ZNF134: variants seen among roughly 807,000 people sequenced by gnomAD.
ZNF134 encodes zinc finger protein 134.
In ZNF134, 5 loss-of-function variants were observed where a neutral mutation model predicts 2.5. That is an observed-to-expected ratio of 2.03 (90% CI 1.06 to 4.27). The LOEUF (loss-of-function observed/expected upper bound fraction) is 4.27, where lower values mean the gene tolerates loss of function less well. Ranked by LOEUF, ZNF134 falls within the 30% of genes most tolerant of loss-of-function variation. The pLI is 0.00. For missense variants in ZNF134, 540 were observed against 517.5 expected (o/e 1.04, Z -0.42); for synonymous variants, 176 against 176.2 (o/e 1.00, Z 0.01).
Position 57,622,081 on chromosome 19 carries a change from A to G in ZNF134, c.*678A>G, listed in dbSNP as rs1981239804. 1.3e-5 allele frequency: 2 copies of G among 159,050 alleles called. No homozygotes were observed. The highest frequency in any genetic ancestry group is 1.8e-4 in the East Asian group (1 of 5,430). 9.9% of individuals were successfully genotyped at this position (159,050 alleles called of 1,614,324 possible). ...TAGTCCAGTTTTGATGTTAACTTCC[A>G]TAGCTGACAAAGCTTGTTAAGTAAG... On this transcript the variant is annotated 3_prime_UTR_variant, in exon 3 of 3. Transcript: ENST00000396161.
chr19:57,620,106 T>G, intron 2 of ZNF134, 54 bp from the exon 3 acceptor site: 2 of 1,569,870 alleles, frequency 1.3e-6, no homozygotes, highest in Non-Finnish European at 1.7e-6. Flanking sequence ...TGTGATGTAG[T>G]TGCCCCACCC....
chr19:57,615,371 G>A (rs375087836), intron 1 of ZNF134, among the ~76,000 whole-genome samples: 7 of 152,150 alleles, frequency 4.6e-5, no homozygotes, highest in Admixed American at 2.6e-4. Flanking sequence ...TCTGAAGTGA[G>A]AGGTGGGTTT....
Position 57,620,966 on chromosome 19 carries a change from A to G in ZNF134, c.847A>G (p.Asn283Asp), listed in dbSNP as rs757097618. The G allele has an allele frequency of 3.7e-6, 6 of 1,614,096 alleles. No homozygotes were observed. Among genetic ancestry groups the G allele is most frequent in the Non-Finnish European group, 5.1e-6 (6 of 1,180,038 alleles). The change falls in exon 3 of 3, where the codon AAT (asparagine) becomes GAT (aspartate). Residue 283 changes from asparagine (N) to aspartate (D), a missense_variant. Asn to Asp is a conservative substitution (Grantham distance 23). Transcript: ENST00000396161. ...SNLIVHQRVH[N>D]GARPYKCSDC... ...TCTAATTGTACACCAGAGAGTTCAC[A>G]ATGGAGCAAGGCCTTATAAGTGCAG...
intron 1 of ZNF134, among the ~76,000 whole-genome samples, chr19:57,616,414 A>C (rs1249310336): frequency 6.6e-6 from 1 of 152,266 alleles, no homozygotes; most frequent in African/African-American, 2.4e-5. Context: ...TAAAGCAGGC[A>C]AAACAAACCT....
At position 57,620,713 on chromosome 19, in the gene ZNF134, T is replaced by C. The variant is rs778266068; in HGVS notation, c.594T>C (p.His198=). 1.2e-6 allele frequency: 2 copies of C among 1,610,890 alleles called. No homozygotes were observed. The highest frequency in any genetic ancestry group is 1.1e-5 in the South Asian group (1 of 90,924). Residue 198 remains histidine, a synonymous_variant, in exon 3 of 3, where the codon CAT becomes CAC. Transcript: ENST00000396161. ...KDTLVQHQRI[H]SGEKPYECSE... ...CACTTGTCCAGCACCAGAGAATTCA[T>C]AGTGGAGAGAAGCCTTATGAGTGCA...
Position 57,624,460 on chromosome 19 carries a change from A to G in ZNF134, c.*3057A>G, listed in dbSNP as rs1180072415. On this transcript the variant is annotated 3_prime_UTR_variant, in exon 3 of 3. Transcript: ENST00000396161. ...GTGGGATAACAGAAAACCCAAAACAAAAGAGAAAACTGCCAGAACCCCAGT... is the reference window on the plus strand; with the variant it reads ...GTGGGATAACAGAAAACCCAAAACAGAAGAGAAAACTGCCAGAACCCCAGT... 1 of 152,200 alleles carries G rather than the reference A, an allele frequency of 6.6e-6. No individual in the cohort carries two copies. The highest frequency in any genetic ancestry group is 1.5e-5 in the Non-Finnish European group (1 of 68,044). The allele number at this position is 152,200 out of a possible 1,614,324, so 9.4% of individuals were successfully genotyped here.
rs1458990143 is a variant in ZNF134 at position 57,623,171 on chromosome 19, TAA to T, written c.*1770_*1771del. 1 of 152,236 alleles carries T rather than the reference TAA, an allele frequency of 6.6e-6. No individual in the cohort carries two copies. Among genetic ancestry groups the T allele is most frequent in the African/African-American group, 2.4e-5 (1 of 41,468 alleles). The allele number at this position is 152,236 out of a possible 1,614,324, so 9.4% of individuals were successfully genotyped here. A position where few individuals can be genotyped will look rare whatever the true frequency, so the allele number is the denominator to read the frequency against. On this transcript the variant is annotated 3_prime_UTR_variant, in exon 3 of 3. Coordinates refer to ENST00000396161, the MANE Select transcript of ZNF134 (RefSeq NM_003435.5). The stretch of plus-strand genomic sequence containing the variant: ...CTAGAATTTTATGTAAGTCTGCCTA[TAA>T]AGTGTTAATTTTGCATGCTGTCTTT...
In ZNF134 at chr19:57,622,772, A is replaced by C. The variant is rs1981263855; in HGVS notation, c.*1369A>C. On this transcript the variant is annotated 3_prime_UTR_variant, in exon 3 of 3. Coordinates refer to ENST00000396161, the MANE Select transcript of ZNF134 (RefSeq NM_003435.5). ...TACTGAGGAAGAGATTGTCTTCCCA[A>C]GATATTTGGAGTGATAAGAGTCACC... 6.6e-6 allele frequency: 1 copy of C among 152,092 alleles called. No homozygotes were observed. Among genetic ancestry groups the C allele is most frequent in the South Asian group, 2.1e-4 (1 of 4,832 alleles). The allele number at this position is 152,092 out of a possible 1,614,324, so 9.4% of individuals were successfully genotyped here.
Position 57,623,719 on chromosome 19 carries a change from G to A in ZNF134, c.*2316G>A, listed in dbSNP as rs1007230661. On this transcript the variant is annotated 3_prime_UTR_variant, in exon 3 of 3. Coordinates refer to ENST00000396161, the MANE Select transcript of ZNF134 (RefSeq NM_003435.5). ...TCTTTGAAGAGATTAAATGTGACTTGTAGATCCCCTCAATACAAACAATTT... is the reference window on the plus strand; with the variant it reads ...TCTTTGAAGAGATTAAATGTGACTTATAGATCCCCTCAATACAAACAATTT... 6.6e-6 allele frequency: 1 copy of A among 152,194 alleles called. No homozygotes were observed. The highest frequency in any genetic ancestry group is 1.5e-5 in the Non-Finnish European group (1 of 68,044). 9.4% of individuals were successfully genotyped at this position (152,194 alleles called of 1,614,324 possible). A position where few individuals can be genotyped will look rare whatever the true frequency, so the allele number is the denominator to read the frequency against.
rs1045292297 is a variant in ZNF134, at chr19:57,621,345, A to G, written c.1226A>G (p.Tyr409Cys). Residue 409 changes from tyrosine to cysteine, a missense_variant, in exon 3 of 3, where the codon TAC (tyrosine) becomes TGC (cysteine). Physicochemically the swap from Tyr to Cys is radical, Grantham distance 194. Coordinates refer to ENST00000396161, the MANE Select transcript of ZNF134 (RefSeq NM_003435.5). The stretch of plus-strand genomic sequence containing the variant: ...GAGTGCAGTGAATGTGGGAAGGCCT[A>G]CAGCTTAAGCTCCCACCTCAATCGG... ...PYECSECGKA[Y>C]SLSSHLNRHQ... 1.2e-6 allele frequency: 2 copies of G among 1,614,072 alleles called. No individual in the cohort carries two copies. The highest frequency in any genetic ancestry group is 1.7e-6 in the Non-Finnish European group (2 of 1,180,052).
Position 57,620,489 on chromosome 19 carries a change from G to A in ZNF134, c.370G>A (p.Glu124Lys). 1 of 1,614,222 alleles carries A rather than the reference G, an allele frequency of 6.2e-7. No homozygotes were observed. The highest frequency in any genetic ancestry group is 1.1e-5 in the South Asian group (1 of 91,082). The change falls in exon 3 of 3, where the codon GAA (glutamate) becomes AAA (lysine). Residue 124 changes from glutamate (E) to lysine (K), a missense_variant. By Grantham distance (56) the Glu-to-Lys change is moderately conservative (BLOSUM62 1). Transcript: ENST00000396161. ...SIVKNCTVSK[E>K]PHPSEKPFTC... is the part of the protein sequence containing the mutation. ...TGTGAAGAACTGCACAGTTAGCAAA[G>A]AACCTCATCCGTCAGAGAAGCCCTT... is the stretch of plus-strand genomic sequence containing the variant.
chr19:57,615,049 C>T (rs1005372618), intron 1 of ZNF134, among the ~76,000 whole-genome samples: 1 of 151,872 alleles, frequency 6.6e-6, no homozygotes, highest in African/African-American at 2.4e-5. Flanking sequence ...CAGATGTGGT[C>T]GTGAGTGAAT....
At position 57,619,305 on chromosome 19, in the gene ZNF134, G is replaced by A. The variant is rs915432211; in HGVS notation, c.-57-107G>A. On this transcript the variant is annotated intron_variant, in intron 1 of 2. Coordinates refer to ENST00000396161, the MANE Select transcript of ZNF134 (RefSeq NM_003435.5). ...CACTGTTCCTGCAGGACAATTTTCT[G>A]AGGTTCATTTTGTAGCATTTGTTTT... 7.1e-5 allele frequency: 62 copies of A among 874,704 alleles called. No individual in the cohort carries two copies. The African/African-American group carries it at 1.0e-3, about 14-fold the overall frequency. 54.2% of individuals were successfully genotyped at this position (874,704 alleles called of 1,614,324 possible).
In ZNF134 at chr19:57,623,759, C is replaced by G. The variant is rs1981299973; in HGVS notation, c.*2356C>G. 1 of 152,162 alleles carries G rather than the reference C, an allele frequency of 6.6e-6. No homozygotes were observed. The highest frequency in any genetic ancestry group is 2.1e-4 in the South Asian group (1 of 4,828). 9.4% of individuals were successfully genotyped at this position (152,162 alleles called of 1,614,324 possible). ...ACAAACAATTTATAAGAAGTTTAAACTATCACTCATCTCAGCAAAAGCCAA... is the reference window on the plus strand; with the variant it reads ...ACAAACAATTTATAAGAAGTTTAAAGTATCACTCATCTCAGCAAAAGCCAA... On this transcript the variant is annotated 3_prime_UTR_variant, in exon 3 of 3. Coordinates refer to ENST00000396161, the MANE Select transcript of ZNF134 (RefSeq NM_003435.5).
chr19:57,621,204 A>G lies in ZNF134; in HGVS notation c.1085A>G (p.His362Arg), dbSNP rs1477608968. Residue 362 changes from histidine to arginine, a missense_variant, in exon 3 of 3, where the codon CAC becomes CGC. By Grantham distance (29) the His-to-Arg change is conservative. Coordinates refer to ENST00000396161, the MANE Select transcript of ZNF134 (RefSeq NM_003435.5). Reference protein sequence around the residue: ...FFSRSSDYIAHQRVHTGERPF... With the variant: ...FFSRSSDYIARQRVHTGERPF... ...AGTCGAAGTTCTGACTATATTGCAC[A>G]CCAGAGGGTTCACACTGGTGAAAGG... is the stretch of plus-strand genomic sequence containing the variant. 1 of 1,614,240 alleles carries G rather than the reference A, an allele frequency of 6.2e-7. No individual in the cohort carries two copies. The highest frequency in any genetic ancestry group is 2.2e-5 in the East Asian group (1 of 44,874).
intron 1 of ZNF134, among the ~76,000 whole-genome samples, chr19:57,616,264 A>G (rs576087191): frequency 6.6e-6 from 1 of 152,274 alleles, no homozygotes; most frequent in Admixed American, 6.5e-5. Context: ...ACACCTTGCA[A>G]GTACGCAGAA....
chr19:57,620,781 A>G lies in ZNF134; in HGVS notation c.662A>G (p.Gln221Arg), dbSNP rs1373007859. Residue 221 changes from glutamine (Q) to arginine (R), a missense_variant, in exon 3 of 3, where the codon CAG (glutamine) becomes CGG (arginine). Gln to Arg is a conservative substitution (Grantham distance 43). Transcript: ENST00000396161. ...KAFSRKATLVQHQRIHTGERP... is the reference protein window; with the variant it reads ...KAFSRKATLVRHQRIHTGERP... ...TTCAGCCGCAAAGCTACACTTGTCCAGCATCAGAGAATCCATACTGGAGAA... is the reference window on the plus strand; with the variant it reads ...TTCAGCCGCAAAGCTACACTTGTCCGGCATCAGAGAATCCATACTGGAGAA... The G allele has an allele frequency of 6.2e-7, 1 of 1,614,100 alleles. No homozygotes were observed. The highest frequency in any genetic ancestry group is 8.5e-7 in the Non-Finnish European group (1 of 1,180,036).
In ZNF134 at chr19:57,621,278, C is replaced by G. The variant is rs1182301133; in HGVS notation, c.1159C>G (p.Leu387Val). 2 of 1,614,108 alleles carry G rather than the reference C, an allele frequency of 1.2e-6. No individual in the cohort carries two copies. Among genetic ancestry groups the G allele is most frequent in the South Asian group, 1.1e-5 (1 of 91,090 alleles). ...GAAAGACTTTATCAGAACCTCCCAC[C>G]TTGTTCGACACCAAAGAGTTCACAC... ...CGKDFIRTSH[L>V]VRHQRVHTGE... is the part of the protein sequence containing the mutation. Residue 387 changes from leucine to valine, a missense_variant, in exon 3 of 3, where the codon CTT (leucine) becomes GTT (valine). Leu to Val is a conservative substitution (Grantham distance 32, BLOSUM62 1). Transcript: ENST00000396161.
chr19:57,617,951 C>T (rs1981095855), intron 1 of ZNF134, among the ~76,000 whole-genome samples: 1 of 152,192 alleles, frequency 6.6e-6, no homozygotes. Context: ...GCTTATTCAG[C>T]TCTTTATGTG....
Sources: allele counts gnomAD v4.1 joint callset (sites outside exome capture counted in the v4.1 genomes callset), GRCh38; gene constraint gnomAD v4.1.1; transcripts MANE v1.5; gene names NCBI Gene and HGNC (gene_info 2026-07-23, HGNC 2026-07-21).